RNF150: variants seen among roughly 807,000 people sequenced by gnomAD.
RNF150 encodes the protein ring finger protein 150.
Under a neutral mutation model 39.3 loss-of-function variants are expected in RNF150, and 24 were observed. That is an observed-to-expected ratio of 0.61 (90% CI 0.44 to 0.86). RNF150 has a LOEUF of 0.86. Among genes scored for constraint, RNF150 ranks in the 40% least tolerant of loss-of-function variants. RNF150 has a pLI of 0.00. For missense variants in RNF150, 502 were observed against 587.8 expected (o/e 0.85, Z 1.51); for synonymous variants, 255 against 227.3 (o/e 1.12, Z -1.10).
At chr4:140,909,868 T>C (rs1249554556) in intron 6 of RNF150, among the ~76,000 whole-genome samples, 2 of 152,204 alleles carry the variant, frequency 1.3e-5, no homozygotes, top group African/African-American at 4.8e-5. Flanking sequence ...ACTTTGCATG[T>C]GCAGATATTT....
At chr4:141,157,124 G>C (rs1370540724) in intron 1 of RNF150, among the ~76,000 whole-genome samples, 1 of 152,036 alleles carries the variant, frequency 6.6e-6, no homozygotes, top group Non-Finnish European at 1.5e-5. Flanking sequence ...GATGCTTTCT[G>C]CTCTTTGCTC....
chr4:141,178,377 G>C (rs1277368887), intron 1 of RNF150, among the ~76,000 whole-genome samples: 1 of 152,164 alleles, frequency 6.6e-6, no homozygotes, highest in Non-Finnish European at 1.5e-5. Context: ...GTGATGCAAA[G>C]CTATATCAAG....
intron 2 of RNF150, among the ~76,000 whole-genome samples, chr4:140,961,339 G>T (rs1013932303): frequency 1.2e-4 from 18 of 152,110 alleles, no homozygotes; most frequent in Non-Finnish European, 2.5e-4. Flanking sequence ...TTTTAATTGT[G>T]ATCTGCACAA....
At chr4:140,979,540 GTTA>G (rs1199513313) in intron 1 of RNF150, among the ~76,000 whole-genome samples, 1 of 151,888 alleles carries the variant, frequency 6.6e-6, no homozygotes, top group Non-Finnish European at 1.5e-5. Context: ...AGTATTAACA[GTTA>G]TTATTATCAT....
At chr4:140,921,175 T>TATAATG (rs1731116899) in intron 5 of RNF150, among the ~76,000 whole-genome samples, 1 of 148,092 alleles carries the variant, frequency 6.8e-6, no homozygotes, top group Non-Finnish European at 1.5e-5. Context: ...AAACTTAAAG[T>TATAATG]ATAATAATAA....
At chr4:141,000,400 A>C (rs1322090560) in intron 1 of RNF150, among the ~76,000 whole-genome samples, 1 of 152,212 alleles carries the variant, frequency 6.6e-6, no homozygotes, top group Non-Finnish European at 1.5e-5. Context: ...TAAAGTTTTT[A>C]ATCTTGGAAT....
chr4:140,954,403 T>C (rs1732665244), intron 2 of RNF150, among the ~76,000 whole-genome samples: 1 of 152,040 alleles, frequency 6.6e-6, no homozygotes. Flanking sequence ...TTTGTAGAGA[T>C]GGGGTTTCAC....
chr4:141,040,582 C>G (rs1736320198), intron 1 of RNF150, among the ~76,000 whole-genome samples: 1 of 152,090 alleles, frequency 6.6e-6, no homozygotes, highest in Non-Finnish European at 1.5e-5. Flanking sequence ...TTGTCCAAAT[C>G]AAGGCACTTC....
intron 1 of RNF150, among the ~76,000 whole-genome samples, chr4:141,001,823 G>A (rs922922692): frequency 5.3e-5 from 8 of 152,030 alleles, no homozygotes; most frequent in Non-Finnish European, 8.8e-5. Flanking sequence ...TAAAACCATA[G>A]TTCAAAATTT....
intron 1 of RNF150, among the ~76,000 whole-genome samples, chr4:141,004,130 T>G (rs1005202716): frequency 6.6e-6 from 1 of 152,040 alleles, no homozygotes; most frequent in Non-Finnish European, 1.5e-5. Context: ...CACGGTGCCA[T>G]GCTAGGCTCT....
chr4:141,096,952 A>G (rs1349588280), intron 1 of RNF150, among the ~76,000 whole-genome samples: 1 of 152,206 alleles, frequency 6.6e-6, no homozygotes, highest in East Asian at 1.9e-4. Context: ...GAGTGAGAAG[A>G]CCTTTATATG....
intron 1 of RNF150, among the ~76,000 whole-genome samples, chr4:141,179,534 A>C (rs1231827659): frequency 6.6e-6 from 1 of 152,104 alleles, no homozygotes; most frequent in African/African-American, 2.4e-5. Flanking sequence ...AACTGCTTAA[A>C]CCCATTCATA....
chr4:141,039,297 C>T (rs943338118), intron 1 of RNF150, among the ~76,000 whole-genome samples: 4 of 150,268 alleles, frequency 2.7e-5, no homozygotes, highest in Non-Finnish European at 5.9e-5. Flanking sequence ...AGTTAGTGGA[C>T]AATTTTCTTT....
intron 1 of RNF150, among the ~76,000 whole-genome samples, chr4:141,001,021 G>A (rs939183751): frequency 2.3e-4 from 35 of 152,266 alleles, no homozygotes; most frequent in East Asian, 5.8e-4. Context: ...ACAAATCAGC[G>A]TAATTTTACT....
At chr4:141,085,780 C>T (rs1049630799) in intron 1 of RNF150, among the ~76,000 whole-genome samples, 1 of 152,032 alleles carries the variant, frequency 6.6e-6, no homozygotes, top group African/African-American at 2.4e-5. Context: ...TATGACCAGA[C>T]TAAAAGGTGT....
chr4:141,015,064 T>G (rs2110763168), intron 1 of RNF150, among the ~76,000 whole-genome samples: 1 of 152,300 alleles, frequency 6.6e-6, no homozygotes, highest in South Asian at 2.1e-4. Context: ...TCAACACCAT[T>G]TATTGAAGAG....
intron 1 of RNF150, among the ~76,000 whole-genome samples, chr4:141,180,993 C>T (rs1418622420): frequency 6.6e-6 from 1 of 152,058 alleles, no homozygotes; most frequent in Admixed American, 6.6e-5. Context: ...ATTTATTATT[C>T]TTTGAAAAGG....
At chr4:140,946,603 C>T (rs112411746) in intron 4 of RNF150, among the ~76,000 whole-genome samples, 175 of 152,270 alleles carry the variant, frequency 1.1e-3, no homozygotes, top group African/African-American at 3.8e-3. Flanking sequence ...CCTCCCAGCT[C>T]ATCCTCCTGA....
chr4:140,968,369 A>G (rs1034105998), intron 1 of RNF150, among the ~76,000 whole-genome samples: 4 of 152,032 alleles, frequency 2.6e-5, no homozygotes, highest in Admixed American at 2.0e-4. Context: ...ATCTCTCTAT[A>G]TTATTTCCAA....
Sources: allele counts gnomAD v4.1 joint callset (sites outside exome capture counted in the v4.1 genomes callset), GRCh38; gene constraint gnomAD v4.1.1; transcripts MANE v1.5; gene names NCBI Gene and HGNC (gene_info 2026-07-23, HGNC 2026-07-21).